OLFM3: variants seen among roughly 807,000 people sequenced by gnomAD.
The protein encoded by OLFM3 is olfactomedin 3.
OLFM3 carries 20 observed loss-of-function variants against 48.6 expected under a neutral mutation model. That is an observed-to-expected ratio of 0.41 (90% CI 0.29 to 0.60). The LOEUF (loss-of-function observed/expected upper bound fraction) is 0.60. OLFM3 is among the 20% of genes least tolerant of loss of function. The probability of loss-of-function intolerance (pLI) is 0.28; values close to 1 mark genes in which losing one functional copy is unlikely to be tolerated. For missense variants in OLFM3, 437 were observed against 544.3 expected, an observed-to-expected ratio of 0.80 and a Z score of 1.96; for synonymous variants, 222 against 198.1, an observed-to-expected ratio of 1.12 and a Z score of -1.01.
At chr1:101,836,074 A>C (rs1024142754) in intron 2 of OLFM3, among the ~76,000 whole-genome samples, 5 of 152,318 alleles carry the variant, frequency 3.3e-5, no homozygotes, top group African/African-American at 1.2e-4. Context: ...GTCAATTGTT[A>C]AGCATGATGT....
intron 1 of OLFM3, among the ~76,000 whole-genome samples, chr1:101,920,847 T>C (rs1659072895): frequency 6.6e-6 from 1 of 152,248 alleles, no homozygotes; most frequent in Non-Finnish European, 1.5e-5. Flanking sequence ...GTCCTGCTTT[T>C]CGTTTGTTTG....
chr1:101,989,149 G>C (rs1661329933), intron 1 of OLFM3, among the ~76,000 whole-genome samples: 1 of 152,064 alleles, frequency 6.6e-6, no homozygotes, highest in Non-Finnish European at 1.5e-5. Flanking sequence ...TTGACATATG[G>C]AGAAGAGGGA....
At chr1:101,819,470 C>T (rs1210982535) in intron 4 of OLFM3, among the ~76,000 whole-genome samples, 1 of 151,920 alleles carries the variant, frequency 6.6e-6, no homozygotes. Context: ...GATCAGGAGG[C>T]CATTTGAGTA....
chr1:101,861,941 G>A (rs566915876), intron 1 of OLFM3, among the ~76,000 whole-genome samples: 3 of 152,294 alleles, frequency 2.0e-5, no homozygotes, highest in South Asian at 2.1e-4. Context: ...GAAGCATGGA[G>A]CATCCAATCA....
At chr1:101,886,314 T>C (rs1336798) in intron 1 of OLFM3, among the ~76,000 whole-genome samples, 36,745 of 151,872 alleles carry the variant, frequency 0.24, 4,770 homozygotes, top group African/African-American at 0.29. Flanking sequence ...TAACTAATAC[T>C]TAATTTTAAG....
intron 1 of OLFM3, among the ~76,000 whole-genome samples, chr1:101,949,795 T>A (rs186516945): frequency 4.6e-5 from 7 of 152,042 alleles, no homozygotes; most frequent in African/African-American, 1.7e-4. Context: ...CCGGGCGTCG[T>A]GGTGGGCACC....
At chr1:101,855,955 T>G (rs938065342) in intron 1 of OLFM3, among the ~76,000 whole-genome samples, 13 of 152,014 alleles carry the variant, frequency 8.6e-5, no homozygotes, top group African/African-American at 3.1e-4. Flanking sequence ...CTTATCTCCC[T>G]CATGGCATAT....
chr1:101,807,972 T>G (rs1312679811), intron 4 of OLFM3, among the ~76,000 whole-genome samples: 2 of 151,898 alleles, frequency 1.3e-5, no homozygotes, highest in Admixed American at 6.6e-5. Flanking sequence ...ATGGTTCTAG[T>G]TGAGTATATT....
chr1:101,816,008 A>C (rs1046848920), intron 4 of OLFM3, among the ~76,000 whole-genome samples: 8 of 152,212 alleles, frequency 5.3e-5, no homozygotes, highest in Non-Finnish European at 7.3e-5. Flanking sequence ...TGGATAGAAA[A>C]AATAACGTGG....
At chr1:101,833,875 C>T (rs1367940497) in intron 2 of OLFM3, among the ~76,000 whole-genome samples, 1 of 152,098 alleles carries the variant, frequency 6.6e-6, no homozygotes, top group African/African-American at 2.4e-5. Flanking sequence ...AATGAAGTAT[C>T]ATGTACAATG....
intron 4 of OLFM3, among the ~76,000 whole-genome samples, chr1:101,820,012 G>T (rs947719998): frequency 1.3e-5 from 2 of 151,986 alleles, no homozygotes; most frequent in Non-Finnish European, 2.9e-5. Context: ...ATATAACCTT[G>T]ACAGGAAGAG....
chr1:101,988,967 C>T (rs1661325124), intron 1 of OLFM3, among the ~76,000 whole-genome samples: 1 of 152,078 alleles, frequency 6.6e-6, no homozygotes, highest in African/African-American at 2.4e-5. Flanking sequence ...AACTATTCTG[C>T]ATCAGACACA....
chr1:101,983,989 C>T (rs959432400), intron 1 of OLFM3, among the ~76,000 whole-genome samples: 1 of 152,188 alleles, frequency 6.6e-6, no homozygotes, highest in African/African-American at 2.4e-5. Context: ...GCGGCTCACA[C>T]CTGTAATCCC....
At chr1:101,886,973 G>A (rs1304997420) in intron 1 of OLFM3, among the ~76,000 whole-genome samples, 1 of 151,858 alleles carries the variant, frequency 6.6e-6, no homozygotes, top group African/African-American at 2.4e-5. Flanking sequence ...TTCTTCTCTT[G>A]AAAAATCTTG....
chr1:101,864,196 CT>C (rs796105452), intron 1 of OLFM3, among the ~76,000 whole-genome samples: 2,296 of 147,046 alleles, frequency 0.016, 47 homozygotes, highest in African/African-American at 0.045. Context: ...GGTTCATATC[CT>C]TTTTTTTTTT....
At chr1:101,968,533 G>GAA (rs3082438) in intron 1 of OLFM3, among the ~76,000 whole-genome samples, 14,187 of 118,294 alleles carry the variant, frequency 0.12, 1,334 homozygotes, top group African/African-American at 0.19. Flanking sequence ...TTTTTGTTCT[G>GAA]AAAAAAAAAA....
intron 1 of OLFM3, among the ~76,000 whole-genome samples, chr1:101,875,546 TAA>T (rs1420156172): frequency 6.6e-6 from 1 of 151,936 alleles, no homozygotes; most frequent in Admixed American, 6.6e-5. Flanking sequence ...CTCTAAAAAA[TAA>T]AGTCTGTTAA....
At chr1:101,893,053 A>G (rs1658063963) in intron 1 of OLFM3, 1 of 160,018 alleles carries the variant, frequency 6.2e-6, no homozygotes, top group African/African-American at 2.4e-5. Context: ...GATGTCTCTT[A>G]TAGGTGAAAG....
At chr1:101,828,742 G>A (rs1410928285) in intron 3 of OLFM3, among the ~76,000 whole-genome samples, 3 of 152,114 alleles carry the variant, frequency 2.0e-5, no homozygotes, top group East Asian at 1.9e-4. Flanking sequence ...GTCCATCTAC[G>A]CCAAACAGTC....
Sources: gnomAD v4.1 joint callset for allele counts (sites outside exome capture counted in the v4.1 genomes callset) on GRCh38, gnomAD v4.1.1 for gene constraint, MANE v1.5 for transcripts, NCBI Gene and HGNC (gene_info 2026-07-23, HGNC 2026-07-21) for gene names.